ARID4B: variants seen among roughly 807,000 people sequenced by gnomAD.
ARID4B encodes AT-rich interactive domain-containing protein 4B.
ARID4B carries 26 observed loss-of-function variants against 147.5 expected under a neutral mutation model. The observed-to-expected ratio is 0.18, with a 90% CI of 0.13 to 0.24. The LOEUF (loss-of-function observed/expected upper bound fraction) is 0.24. Among genes scored for constraint, ARID4B ranks in the 10% least tolerant of loss-of-function variants. The pLI is 1.00. For synonymous variants in ARID4B, 512 were observed against 507.9 expected (o/e 1.01, Z -0.11); for missense variants, 1,179 against 1,511.5 (o/e 0.78, Z 3.65).
At chr1:235,177,268 A>C (rs1663953599) in intron 21 of ARID4B, among the ~76,000 whole-genome samples, 1 of 152,268 alleles carries the variant, frequency 6.6e-6, no homozygotes, top group Admixed American at 6.5e-5. Flanking sequence ...TTTTATAGCA[A>C]GTGAAAAGAA....
rs546494299 is a variant in ARID4B, at chr1:235,250,476, T to A, written c.354+2254A>T. ...GGCTTAATATACTCAAATTTTAAAA[T>A]ATGTTTGATTGTTTGATTAATGCTT... On this transcript the variant is annotated intron_variant, in intron 6 of 23. Coordinates refer to ENST00000264183, the MANE Select transcript of ARID4B (RefSeq NM_016374.6). 2.0e-5 allele frequency among the ~76,000 whole-genome samples: 3 copies of A among 152,316 alleles called. No homozygotes were observed. The East Asian group carries it at 5.8e-4, about 29-fold the overall frequency.
chr1:235,247,961 CTG>C (rs1336659135), intron 6 of ARID4B, among the ~76,000 whole-genome samples: 1 of 152,116 alleles, frequency 6.6e-6, no homozygotes, highest in Non-Finnish European at 1.5e-5. Context: ...GCACTCCAGC[CTG>C]TGCAACAAGA....
At chr1:235,325,206 T>C (rs921142581) in intron 2 of ARID4B, among the ~76,000 whole-genome samples, 1 of 152,152 alleles carries the variant, frequency 6.6e-6, no homozygotes, top group African/African-American at 2.4e-5. Flanking sequence ...CTTTTAACGT[T>C]AAAAGCACCT....
At chr1:235,323,687 G>A (rs1675012011) in intron 2 of ARID4B, among the ~76,000 whole-genome samples, 1 of 151,702 alleles carries the variant, frequency 6.6e-6, no homozygotes, top group South Asian at 2.1e-4. Context: ...AGGAGGCTGA[G>A]GCAGGAGAAC....
intron 6 of ARID4B, among the ~76,000 whole-genome samples, chr1:235,251,334 A>G (rs1054699033): frequency 1.2e-4 from 18 of 152,306 alleles, no homozygotes; most frequent in Admixed American, 2.6e-4. Flanking sequence ...GGCCTTCAAC[A>G]TAAGTGAGAT....
rs76337211 is a variant in ARID4B at position 235,224,610 on chromosome 1, T to G, written c.970+93A>C. On this transcript the variant is annotated intron_variant, in intron 12 of 23. Transcript: ENST00000264183. ...AAGACAGCCATAATTACTGATGACA[T>G]AAAGTTCAGTAAACAAAATTCTATT... 8,551 of 860,048 alleles carry G rather than the reference T, an allele frequency of 9.9e-3. 564 individuals carry two copies. The African/African-American group carries it at 0.13, about 13-fold the overall frequency. 53.3% of individuals were successfully genotyped at this position (860,048 alleles called of 1,614,324 possible).
At chr1:235,173,808 A>ATATATATATATATATATATG (rs1553279129) in intron 22 of ARID4B, among the ~76,000 whole-genome samples, 1 of 78,582 alleles carries the variant, frequency 1.3e-5, no homozygotes, top group African/African-American at 5.1e-5. Context: ...ATATATATAT[A>ATATATATATATATATATATG]TATATGTATA....
At chr1:235,271,191 A>G (rs907955727) in intron 2 of ARID4B, among the ~76,000 whole-genome samples, 1 of 152,194 alleles carries the variant, frequency 6.6e-6, no homozygotes, top group Admixed American at 6.5e-5. Flanking sequence ...CATCTCTACA[A>G]ATAATTTTGA....
At chr1:235,233,240 G>A (rs2103054063) in intron 9 of ARID4B, among the ~76,000 whole-genome samples, 1 of 152,248 alleles carries the variant, frequency 6.6e-6, no homozygotes, top group Middle Eastern at 3.4e-3. Context: ...TTGAGCTGAG[G>A]AGTTCGAGAC....
intron 17 of ARID4B, 100 bp from the exon 18 acceptor site, chr1:235,196,215 G>T: frequency 1.8e-6 from 1 of 548,602 alleles, no homozygotes; most frequent in Non-Finnish European, 3.0e-6. Context: ...TGACATTTTA[G>T]AAGGGAAAGG....
chr1:235,297,846 A>C (rs79212165), intron 2 of ARID4B, among the ~76,000 whole-genome samples: 3,834 of 152,310 alleles, frequency 0.025, 140 homozygotes, highest in African/African-American at 0.086. Context: ...TCTTCATCAA[A>C]TAAAGGGCAT....
chr1:235,305,682 G>C (rs1361463384), intron 2 of ARID4B, among the ~76,000 whole-genome samples: 2 of 152,156 alleles, frequency 1.3e-5, no homozygotes, highest in Non-Finnish European at 2.9e-5. Context: ...AAATGGGCCA[G>C]GCACGGGGAC....
chr1:235,201,330 CT>C (rs770314693), intron 17 of ARID4B, among the ~76,000 whole-genome samples: 136 of 145,268 alleles, frequency 9.4e-4, no homozygotes, highest in South Asian at 4.6e-3. Flanking sequence ...CGAGAATCTT[CT>C]TTTTTTTTTT....
intron 16 of ARID4B, among the ~76,000 whole-genome samples, chr1:235,219,154 C>T (rs1667282588): frequency 6.6e-6 from 1 of 152,164 alleles, no homozygotes; most frequent in East Asian, 1.9e-4. Flanking sequence ...CGTGAACCAC[C>T]GCACCTGGCC....
intron 17 of ARID4B, among the ~76,000 whole-genome samples, chr1:235,201,874 ACT>A (rs896471088): frequency 1.8e-4 from 27 of 151,978 alleles, no homozygotes; most frequent in African/African-American, 6.5e-4. Context: ...ACAGAGCAAG[ACT>A]CTGTCTCAAA....
At chr1:235,242,164 C>T (rs575326523) in intron 7 of ARID4B, among the ~76,000 whole-genome samples, 3 of 151,954 alleles carry the variant, frequency 2.0e-5, no homozygotes, top group South Asian at 2.1e-4. Context: ...AGGAGAATTG[C>T]CTGAACCCGG....
intron 5 of ARID4B, among the ~76,000 whole-genome samples, chr1:235,255,220 T>TATATATATAGATAGAC: frequency 1.6e-5 from 1 of 62,392 alleles, no homozygotes; most frequent in South Asian, 6.2e-4. Flanking sequence ...TGCTGGGAGC[T>TATATATATAGATAGAC]AGATAGATAG....
intron 19 of ARID4B, among the ~76,000 whole-genome samples, chr1:235,186,105 G>A (rs1041866671): frequency 1.3e-5 from 2 of 151,908 alleles, no homozygotes; most frequent in Non-Finnish European, 2.9e-5. Flanking sequence ...GAGTAGCTGG[G>A]ACTACAGGTG....
intron 12 of ARID4B, among the ~76,000 whole-genome samples, chr1:235,224,043 A>T (rs993028376): frequency 3.3e-5 from 5 of 152,206 alleles, no homozygotes; most frequent in African/African-American, 9.6e-5. Flanking sequence ...AAAACTAAAC[A>T]TGACAAACAG....
Sources: gnomAD v4.1 joint callset for allele counts (sites outside exome capture counted in the v4.1 genomes callset) on GRCh38, gnomAD v4.1.1 for gene constraint, MANE v1.5 for transcripts, NCBI Gene and HGNC (gene_info 2026-07-23, HGNC 2026-07-21) for gene names.